PCDHA4: variants seen among roughly 807,000 people sequenced by gnomAD.
PCDHA4 encodes the protein protocadherin alpha 4.
Under a neutral mutation model 61.4 loss-of-function variants are expected in PCDHA4, and 49 were observed. The ratio of observed to expected loss-of-function variants is 0.80; its 90% CI spans 0.63 to 1.01. The LOEUF (loss-of-function observed/expected upper bound fraction) is 1.01. Ranked by LOEUF, PCDHA4 falls within the 50% of genes least tolerant of loss-of-function variation. The probability of loss-of-function intolerance (pLI) is 0.00; values close to 1 mark genes in which losing one functional copy is unlikely to be tolerated. For synonymous variants in PCDHA4, 590 were observed against 550.3 expected, an observed-to-expected ratio of 1.07 and a Z score of -1.01; for missense variants, 1,254 against 1,235.8, an observed-to-expected ratio of 1.01 and a Z score of -0.22.
intron 1 of PCDHA4, chr5:140,823,505 G>A (rs1767736595): frequency 6.2e-7 from 1 of 1,613,446 alleles, no homozygotes; most frequent in Non-Finnish European, 8.5e-7. Flanking sequence ...GGCGCAGTGA[G>A]CGAGCTGGTG....
chr5:140,838,779 A>G (rs1039097840), intron 1 of PCDHA4, among the ~76,000 whole-genome samples: 2 of 152,056 alleles, frequency 1.3e-5, no homozygotes, highest in Admixed American at 6.5e-5. Flanking sequence ...AAAATTAGCT[A>G]TGCATGGTGA....
chr5:140,921,289 A>G (rs2080153256), intron 1 of PCDHA4, among the ~76,000 whole-genome samples: 1 of 152,172 alleles, frequency 6.6e-6, no homozygotes, highest in African/African-American at 2.4e-5. Flanking sequence ...AAAACCTCAA[A>G]TTTGCTGAAT....
intron 1 of PCDHA4, among the ~76,000 whole-genome samples, chr5:140,818,604 T>A (rs537338051): frequency 6.6e-6 from 1 of 152,274 alleles, no homozygotes; most frequent in South Asian, 2.1e-4. Flanking sequence ...GTGTGGGCCA[T>A]GACAGGAGGA....
intron 1 of PCDHA4, chr5:140,875,542 T>G: frequency 6.2e-7 from 1 of 1,614,134 alleles, no homozygotes. Context: ...CCTTGCAGCC[T>G]GGGAGGTGGG....
At chr5:140,855,950 C>T in intron 1 of PCDHA4, 1 of 1,363,920 alleles carries the variant, frequency 7.3e-7, no homozygotes, top group Non-Finnish European at 1.0e-6. Flanking sequence ...TCAGCCATTT[C>T]GATAAAAAAT....
At chr5:140,900,192 A>G (rs1280412667) in intron 1 of PCDHA4, among the ~76,000 whole-genome samples, 2 of 152,186 alleles carry the variant, frequency 1.3e-5, no homozygotes, top group African/African-American at 2.4e-5. Flanking sequence ...ACTTATAATG[A>G]CATCCAGTTT....
At chr5:140,991,919 A>T (rs185947527) in intron 3 of PCDHA4, among the ~76,000 whole-genome samples, 96 of 152,274 alleles carry the variant, frequency 6.3e-4, no homozygotes, top group Admixed American at 1.2e-3. Flanking sequence ...GCCATGTAAC[A>T]TAACATATTC....
chr5:140,875,401 G>T, intron 1 of PCDHA4: 1 of 1,487,486 alleles, frequency 6.7e-7, no homozygotes, highest in Non-Finnish European at 8.9e-7. Context: ...AAGGGTGACT[G>T]CTCATAAAAT....
At chr5:140,993,460 T>A (rs1416332490) in intron 3 of PCDHA4, among the ~76,000 whole-genome samples, 1 of 104,506 alleles carries the variant, frequency 9.6e-6, no homozygotes, top group Non-Finnish European at 1.9e-5. Context: ...CTTCTTTCTT[T>A]CTCACACACA....
chr5:140,883,532 G>C, intron 1 of PCDHA4: 2 of 1,614,220 alleles, frequency 1.2e-6, no homozygotes, highest in Non-Finnish European at 1.7e-6. Context: ...ATCAGCCTAT[G>C]AACTGGTGGT....
At chr5:140,824,177 T>A (rs2150132982) in intron 1 of PCDHA4, 1 of 1,609,658 alleles carries the variant, frequency 6.2e-7, no homozygotes, top group Admixed American at 1.7e-5. Context: ...TTTTCAAATA[T>A]TAAATGTCAC....
At chr5:140,825,240 T>C (rs968965220) in intron 1 of PCDHA4, 1 of 151,592 alleles carries the variant, frequency 6.6e-6, no homozygotes, top group Non-Finnish European at 1.5e-5. Flanking sequence ...TCTGGATCTA[T>C]GGTGTTCCAT....
At chr5:140,868,478 A>G (rs2050491329) in intron 1 of PCDHA4, 2 of 152,364 alleles carry the variant, frequency 1.3e-5, no homozygotes, top group African/African-American at 2.4e-5. Flanking sequence ...TAAAACTTCA[A>G]TTTTTTCTTT....
intron 1 of PCDHA4, among the ~76,000 whole-genome samples, chr5:140,965,730 C>T (rs1554227819): frequency 6.6e-6 from 1 of 152,166 alleles, no homozygotes; most frequent in East Asian, 1.9e-4. Flanking sequence ...AAAAATTTTA[C>T]CAGATTTTCC....
At chr5:140,929,362 G>A (rs781830495) in intron 1 of PCDHA4, 13 of 1,520,234 alleles carry the variant, frequency 8.6e-6, no homozygotes, top group Middle Eastern at 1.8e-4. Flanking sequence ...CCTTTGGCCC[G>A]GAGATGGCTG....
chr5:140,926,812 G>C, intron 1 of PCDHA4: 3 of 1,459,082 alleles, frequency 2.1e-6, no homozygotes, highest in Non-Finnish European at 1.8e-6. Flanking sequence ...CCCGCGGCTC[G>C]TGCTCTCCAG....
chr5:140,982,917 C>T (rs2097016226), intron 3 of PCDHA4, among the ~76,000 whole-genome samples: 1 of 151,626 alleles, frequency 6.6e-6, no homozygotes, highest in Non-Finnish European at 1.5e-5. Context: ...ACAGAGATGA[C>T]ACTGTTAACA....
chr5:140,874,111 G>T (rs977519429), intron 1 of PCDHA4, among the ~76,000 whole-genome samples: 2 of 152,056 alleles, frequency 1.3e-5, no homozygotes, highest in Non-Finnish European at 2.9e-5. Flanking sequence ...ATTACTTAAC[G>T]TTTTATAGTT....
At chr5:140,827,484 G>A (rs1007754515) in intron 1 of PCDHA4, among the ~76,000 whole-genome samples, 37 of 152,134 alleles carry the variant, frequency 2.4e-4, no homozygotes, top group African/African-American at 8.5e-4. Flanking sequence ...AACAAAGAAA[G>A]CATGGACTTC....
Sources: gnomAD v4.1 joint callset for allele counts (sites outside exome capture counted in the v4.1 genomes callset) on GRCh38, gnomAD v4.1.1 for gene constraint, MANE v1.5 for transcripts, NCBI Gene and HGNC (gene_info 2026-07-23, HGNC 2026-07-21) for gene names.